The following TNFRSF25 variants were observed in gnomAD, a reference collection of about 807,000 sequenced individuals.
TNFRSF25 encodes the protein TNF receptor superfamily member 25.
In TNFRSF25, 28 loss-of-function variants were observed where a neutral mutation model predicts 49.4. The ratio of observed to expected loss-of-function variants is 0.57; its 90% CI spans 0.42 to 0.78. The LOEUF (loss-of-function observed/expected upper bound fraction) is 0.78, where lower values mean the gene tolerates loss of function less well. Ranked by LOEUF, TNFRSF25 falls within the 30% of genes least tolerant of loss-of-function variation. The pLI is 0.00. For synonymous variants in TNFRSF25, 240 were observed against 234.2 expected (o/e 1.02, Z -0.23); for missense variants, 531 against 581.6 (o/e 0.91, Z 0.90).
At position 6,461,336 on chromosome 1, in the gene TNFRSF25, G is replaced by A. The variant is rs1412263403; in HGVS notation, c.*98C>T. 32 of 1,408,788 alleles carry A rather than the reference G, an allele frequency of 2.3e-5. No individual in the cohort carries two copies. Among genetic ancestry groups the A allele is most frequent in the Non-Finnish European group, 3.0e-5 (31 of 1,039,834 alleles). The allele number at this position is 1,408,788 out of a possible 1,614,324, so 87.3% of individuals were successfully genotyped here. Reference sequence around the variant, plus strand: ...GCTGCTACGCAGGGCCGTGCCAGCGGCTTAATAAGTGACATAAAATGTCTA... The same window carrying A: ...GCTGCTACGCAGGGCCGTGCCAGCGACTTAATAAGTGACATAAAATGTCTA... On this transcript the variant is annotated 3_prime_UTR_variant, in exon 10 of 10. Coordinates refer to ENST00000356876, the MANE Select transcript of TNFRSF25 (RefSeq NM_003790.3). The surrounding 1 kb of genome is among the most constrained non-coding windows in gnomAD (Gnocchi z 6.3).
chr1:6,464,483 T>A lies in TNFRSF25; in HGVS notation c.464-30A>T, dbSNP rs1165650356. On this transcript the variant is annotated intron_variant, in intron 4 of 9. Transcript: ENST00000356876. Reference sequence around the variant, plus strand: ...AATCCAGGAGAGGCATGCGTCACCATGGGACAGGAGTGGGTCAGGCAGGGA... The same window carrying A: ...AATCCAGGAGAGGCATGCGTCACCAAGGGACAGGAGTGGGTCAGGCAGGGA... 4 of 1,611,922 alleles carry A rather than the reference T, an allele frequency of 2.5e-6. No individual in the cohort carries two copies. The African/African-American group carries it at 4.0e-5, about 16-fold the overall frequency.
chr1:6,463,127 C>A lies in TNFRSF25; in HGVS notation c.543G>T (p.Thr181=). 1 of 1,551,460 alleles carries A rather than the reference C, an allele frequency of 6.4e-7. No individual in the cohort carries two copies. The highest frequency in any genetic ancestry group is 8.7e-7 in the Non-Finnish European group (1 of 1,146,960). ...GCTCTGGACAGCTCCCCAGGGTGCT[C>A]CTGCAAGGGACGGGGGTGGCCTGAG... is the stretch of plus-strand genomic sequence containing the variant. ...EHGDGCVSCP[T]STLGSCPERC... The change falls in exon 6 of 10, where the codon ACG becomes ACT. Residue 181 remains threonine, a splice_region_variant and synonymous_variant. Coordinates refer to ENST00000356876, the MANE Select transcript of TNFRSF25 (RefSeq NM_003790.3).
chr1:6,464,310 C>G, intron 5 of TNFRSF25, 65 bp downstream of exon 5: 2 of 1,556,470 alleles, frequency 1.3e-6, no homozygotes, highest in Non-Finnish European at 1.7e-6. Flanking sequence ...AGCACCTGCC[C>G]CACCCCAGGC....
At chr1:6,465,726 C>A in intron 1 of TNFRSF25, 166 bp from the exon 2 acceptor site, 2 of 1,434,042 alleles carry the variant, frequency 1.4e-6, no homozygotes, top group South Asian at 1.5e-5. Context: ...TAACTTCCTT[C>A]CCCCCGCGCA....
rs1644166212 is a variant in TNFRSF25 at position 6,461,394 on chromosome 1, A to C, written c.*40T>G. 1 of 1,476,200 alleles carries C rather than the reference A, an allele frequency of 6.8e-7. No individual in the cohort carries two copies. The highest frequency in any genetic ancestry group is 1.4e-5 in the South Asian group (1 of 71,386). The allele number at this position is 1,476,200 out of a possible 1,614,324, so 91.4% of individuals were successfully genotyped here. A position where few individuals can be genotyped will look rare whatever the true frequency, so the allele number is the denominator to read the frequency against. On this transcript the variant is annotated 3_prime_UTR_variant, in exon 10 of 10. Transcript: ENST00000356876. This position sits in a 1 kb window ranked among gnomAD's most constrained non-coding sequence, Gnocchi z 6.3. ...AAGTAACCGTACTTAGGGCTTCTGC[A>C]AGGGCCACCAGAGCGCCTAGGTGGC... is the stretch of plus-strand genomic sequence containing the variant.
In TNFRSF25 at chr1:6,461,774, C is replaced by T. The variant is rs888308229; in HGVS notation, c.926-12G>A. 1.3e-6 allele frequency: 2 copies of T among 1,502,300 alleles called. No homozygotes were observed. Among genetic ancestry groups the T allele is most frequent in the African/African-American group, 2.8e-5 (2 of 72,256 alleles). The allele number at this position is 1,502,300 out of a possible 1,614,324, so 93.1% of individuals were successfully genotyped here. ...CGCAGCAGCGGGGCCTGGGGCAGGG[C>T]CAGAGAGAGCCAATTGGGGTACGTG... On this transcript the variant is annotated splice_polypyrimidine_tract_variant and intron_variant, in intron 9 of 9. Transcript: ENST00000356876. This position sits in a 1 kb window ranked among gnomAD's most constrained non-coding sequence, Gnocchi z 6.3.
Position 6,462,549 on chromosome 1 carries a change from TGCC to T in TNFRSF25, c.744+77_744+79del. Reference sequence around the variant, plus strand: ...CTAGGGCTACCCGGTGCTGGCCGCGTGCCAAGCTCCAGGGATCATAGTAAGGCT... The same window carrying T: ...CTAGGGCTACCCGGTGCTGGCCGCGTAAGCTCCAGGGATCATAGTAAGGCT... On this transcript the variant is annotated intron_variant, in intron 8 of 9. Coordinates refer to ENST00000356876, the MANE Select transcript of TNFRSF25 (RefSeq NM_003790.3). The surrounding 1 kb of genome is among the most constrained non-coding windows in gnomAD (Gnocchi z 4.2). 2.6e-6 allele frequency: 4 copies of T among 1,566,870 alleles called. No homozygotes were observed. In the African/African-American group the frequency reaches 5.4e-5, roughly 21 times the overall value.
Position 6,461,492 on chromosome 1 carries a change from C to A in TNFRSF25, c.1196G>T (p.Arg399Leu), listed in dbSNP as rs775834542. 2 of 1,585,710 alleles carry A rather than the reference C, an allele frequency of 1.3e-6. No individual in the cohort carries two copies. Among genetic ancestry groups the A allele is most frequent in the Non-Finnish European group, 1.7e-6 (2 of 1,168,512 alleles). Residue 399 changes from arginine (R) to leucine (L), a missense_variant, in exon 10 of 10, where the codon CGC becomes CTC. Coordinates refer to ENST00000356876, the MANE Select transcript of TNFRSF25 (RefSeq NM_003790.3). This position sits in a 1 kb window ranked among gnomAD's most constrained non-coding sequence, Gnocchi z 6.3. Reference protein sequence around the residue: ...GLGAVYAALERMGLDGCVEDL... With the variant: ...GLGAVYAALELMGLDGCVEDL... ...TTCCACGCAGCCGTCCAGCCCCATG[C>A]GCTCCAGGGCCGCGTAAACGGCTCC...
At position 6,462,359 on chromosome 1, in the gene TNFRSF25, G is replaced by GC; in HGVS notation, c.745-186dup. On this transcript the variant is annotated intron_variant, in intron 8 of 9. Transcript: ENST00000356876. The surrounding 1 kb of genome is among the most constrained non-coding windows in gnomAD (Gnocchi z 4.2). ...CTCTTGCTTCTGCCTTGAGTCCCCT[G>GC]CCCCCGCCTCCTTCCTCTTGTCCCC... 8.8e-7 allele frequency: 1 copy of GC among 1,133,930 alleles called. No homozygotes were observed. Among genetic ancestry groups the GC allele is most frequent in the South Asian group, 1.6e-5 (1 of 60,622 alleles). The allele number at this position is 1,133,930 out of a possible 1,614,324, so 70.2% of individuals were successfully genotyped here.
At chr1:6,463,370 T>C (rs3138156) in intron 5 of TNFRSF25, 47,675 of 588,394 alleles carry the variant, frequency 0.081, 2,517 homozygotes, top group African/African-American at 0.19. Flanking sequence ...TTTGCCTATT[T>C]TGTCCCCTGT....
intron 5 of TNFRSF25, 158 bp from the exon 6 acceptor site, chr1:6,463,285 A>G (rs1428714501): frequency 8.8e-6 from 6 of 684,614 alleles, no homozygotes; most frequent in Non-Finnish European, 1.5e-5. Flanking sequence ...GGTAACAACC[A>G]CAGACACTAT....
Position 6,463,090 on chromosome 1 carries a change from C to T in TNFRSF25, c.580G>A (p.Val194Ile). Residue 194 changes from valine (V) to isoleucine (I), a missense_variant, in exon 6 of 10, where the codon GTC (valine) becomes ATC (isoleucine). By Grantham distance (29) the Val-to-Ile change is conservative. Transcript: ENST00000356876. ...LGSCPERCAA[V>I]CGWRQMFWVQ... ...CACCTACTCTGCCTCCAGCCACAGA[C>T]AGCGGCACAGCGCTCTGGACAGCTC... 1 of 1,551,844 alleles carries T rather than the reference C, an allele frequency of 6.4e-7. No homozygotes were observed. Among genetic ancestry groups the T allele is most frequent in the Non-Finnish European group, 8.7e-7 (1 of 1,147,080 alleles).
At position 6,463,570 on chromosome 1, in the gene TNFRSF25, C is replaced by CA. The variant is rs1232129267; in HGVS notation, c.543-444dup. Reference sequence around the variant, plus strand: ...TGAAACCCCGTCTCTACTAAAAATACAAAAAATTAGCCGGGGGTGGTGGTG... The same window carrying CA: ...TGAAACCCCGTCTCTACTAAAAATACAAAAAAATTAGCCGGGGGTGGTGGTG... On this transcript the variant is annotated intron_variant, in intron 5 of 9. Transcript: ENST00000356876. 8 of 168,340 alleles carry CA rather than the reference C, an allele frequency of 4.8e-5. No individual in the cohort carries two copies. The East Asian group carries it at 1.4e-3, about 29-fold the overall frequency. 10.4% of individuals were successfully genotyped at this position (168,340 alleles called of 1,614,324 possible). A position where few individuals can be genotyped will look rare whatever the true frequency, so the allele number is the denominator to read the frequency against.
Position 6,461,686 on chromosome 1 carries a change from C to T in TNFRSF25, c.1002G>A (p.Gln334=). 1 of 1,583,834 alleles carries T rather than the reference C, an allele frequency of 6.3e-7. No homozygotes were observed. ...SPAMMLQPGP[Q]LYDVMDAVPA... ...GGACCGCGTCCATCACGTCGTAGAG[C>T]TGCGGGCCCGGCTGCAGCATCATGG... The change falls in exon 10 of 10, where the codon CAG becomes CAA. Residue 334 remains glutamine, a synonymous_variant. Transcript: ENST00000356876. This position sits in a 1 kb window ranked among gnomAD's most constrained non-coding sequence, Gnocchi z 6.3.
Position 6,466,086 on chromosome 1 carries a change from A to T in TNFRSF25, c.22T>A (p.Cys8Ser). 1.3e-6 allele frequency: 2 copies of T among 1,576,774 alleles called. No homozygotes were observed. The highest frequency in any genetic ancestry group is 1.7e-6 in the Non-Finnish European group (2 of 1,164,222). Residue 8 changes from cysteine to serine, a missense_variant, in exon 1 of 10, where the codon TGC (cysteine) becomes AGC (serine). Transcript: ENST00000356876. The part of the protein sequence containing the change: MEQRPRG[C>S]AAVAAALLLV... ...CAACTCACCGCCGCCACCGCCGCGC[A>T]GCCCCGCGGCCGCTGCTCCATAGCC... is the stretch of plus-strand genomic sequence containing the variant.
Position 6,461,809 on chromosome 1 carries a change from C to T in TNFRSF25, c.926-47G>A. ...CCAATTGGGGTACGTGGGCCGCGGT[C>T]GGGAGGCAGAGTCAGGGGCGTTCGT... On this transcript the variant is annotated intron_variant, in intron 9 of 9. Transcript: ENST00000356876. This position sits in a 1 kb window ranked among gnomAD's most constrained non-coding sequence, Gnocchi z 6.3. The T allele has an allele frequency of 1.4e-6, 2 of 1,465,108 alleles. No individual in the cohort carries two copies. The highest frequency in any genetic ancestry group is 1.8e-6 in the Non-Finnish European group (2 of 1,109,772). 90.8% of individuals were successfully genotyped at this position (1,465,108 alleles called of 1,614,324 possible).
intron 3 of TNFRSF25, 94 bp from the exon 4 acceptor site, chr1:6,464,813 C>A: frequency 1.4e-6 from 2 of 1,451,802 alleles, no homozygotes; most frequent in South Asian, 1.3e-5. Flanking sequence ...ATAATGGAGA[C>A]AGAAATAGGC....
In TNFRSF25 at chr1:6,462,451, C is replaced by G; in HGVS notation, c.744+178G>C. ...GTGTACGAATCTGAACTCCAGCTGA[C>G]TGAGCACCCCTTGAGGGCAGGCACT... On this transcript the variant is annotated intron_variant, in intron 8 of 9. Coordinates refer to ENST00000356876, the MANE Select transcript of TNFRSF25 (RefSeq NM_003790.3). The surrounding 1 kb of genome is among the most constrained non-coding windows in gnomAD (Gnocchi z 4.2). 7.0e-7 allele frequency: 1 copy of G among 1,434,094 alleles called. No individual in the cohort carries two copies. The highest frequency in any genetic ancestry group is 9.2e-7 in the Non-Finnish European group (1 of 1,082,892). The allele number at this position is 1,434,094 out of a possible 1,614,324, so 88.8% of individuals were successfully genotyped here. A position where few individuals can be genotyped will look rare whatever the true frequency, so the allele number is the denominator to read the frequency against.
intron 5 of TNFRSF25, chr1:6,464,076 C>G (rs1644260345): frequency 8.1e-7 from 1 of 1,240,976 alleles, no homozygotes; most frequent in Non-Finnish European, 1.0e-6. Context: ...AGTTTTAAAG[C>G]TATATCAATG....
Sources: allele counts gnomAD v4.1 joint callset, GRCh38; gene constraint gnomAD v4.1.1; non-coding constraint Gnocchi (gnomAD v3.1); transcripts MANE v1.5; gene names NCBI Gene and HGNC (gene_info 2026-07-23, HGNC 2026-07-21).